The following E2F2 variants were observed in gnomAD, a reference collection of about 807,000 sequenced individuals.
E2F2 encodes transcription factor E2F2.
E2F2 carries 22 observed loss-of-function variants against 42.2 expected under a neutral mutation model. The observed-to-expected ratio is 0.52, with a 90% CI of 0.37 to 0.74. The LOEUF (loss-of-function observed/expected upper bound fraction) is 0.74. E2F2 is among the 30% of genes least tolerant of loss of function. The pLI is 0.00. For missense variants in E2F2, 481 were observed against 557.8 expected (o/e 0.86, Z 1.39); for synonymous variants, 248 against 251.6 (o/e 0.99, Z 0.13).
At chr1:23,510,373 TAGAGTGCAG>T (rs1257787777) in intron 6 of E2F2, among the ~76,000 whole-genome samples, 1 of 152,184 alleles carries the variant, frequency 6.6e-6, no homozygotes, top group Non-Finnish European at 1.5e-5. Flanking sequence ...TCACCCAGGC[TAGAGTGCAG>T]TGTTGTGATC....
intron 6 of E2F2, among the ~76,000 whole-genome samples, chr1:23,510,485 C>T (rs1205587452): frequency 6.6e-6 from 1 of 152,086 alleles, no homozygotes; most frequent in Non-Finnish European, 1.5e-5. Flanking sequence ...CCACCACACC[C>T]AGCTAATTTG....
Position 23,530,886 on chromosome 1 carries a change from T to G in E2F2, c.-93A>C. On this transcript the variant is annotated 5_prime_UTR_variant, in exon 1 of 7. The change abolishes an upstream ATG in the 5' untranslated region. Coordinates refer to ENST00000361729, the MANE Select transcript of E2F2 (RefSeq NM_004091.4). The surrounding 1 kb of genome is among the most constrained non-coding windows in gnomAD (Gnocchi z 4.4). Reference sequence around the variant, plus strand: ...GCCGCCTTTCACACGGCCCGCGGCATGGCGCGGAGGCCGGGGGAAGCCGCC... The same window carrying G: ...GCCGCCTTTCACACGGCCCGCGGCAGGGCGCGGAGGCCGGGGGAAGCCGCC... 1.4e-6 allele frequency: 2 copies of G among 1,390,616 alleles called. No individual in the cohort carries two copies. The highest frequency in any genetic ancestry group is 1.9e-6 in the Non-Finnish European group (2 of 1,073,108). The allele number at this position is 1,390,616 out of a possible 1,614,324, so 86.1% of individuals were successfully genotyped here. A position where few individuals can be genotyped will look rare whatever the true frequency, so the allele number is the denominator to read the frequency against.
intron 6 of E2F2, among the ~76,000 whole-genome samples, chr1:23,511,885 C>T (rs916498460): frequency 6.6e-6 from 1 of 152,146 alleles, no homozygotes; most frequent in African/African-American, 2.4e-5. Context: ...CTCAGAGGAC[C>T]GCATGGTAAG....
At chr1:23,513,001 C>T (rs183247260) in intron 6 of E2F2, among the ~76,000 whole-genome samples, 110 of 151,976 alleles carry the variant, frequency 7.2e-4, no homozygotes, top group African/African-American at 2.1e-3. Context: ...GTAGTAGAGA[C>T]GGGGTTTCAT....
At chr1:23,515,324 C>T (rs1185555512) in intron 6 of E2F2, among the ~76,000 whole-genome samples, 1 of 152,196 alleles carries the variant, frequency 6.6e-6, no homozygotes, top group Non-Finnish European at 1.5e-5. Context: ...TGCTCCCTGG[C>T]AACTTACCTG....
At chr1:23,512,719 T>C (rs1306976144) in intron 6 of E2F2, among the ~76,000 whole-genome samples, 1 of 152,168 alleles carries the variant, frequency 6.6e-6, no homozygotes, top group Non-Finnish European at 1.5e-5. Flanking sequence ...TCGCCTTTTG[T>C]AATATGTGTC....
intron 5 of E2F2, among the ~76,000 whole-genome samples, chr1:23,517,326 C>A (rs904003400): frequency 1.3e-5 from 2 of 152,186 alleles, no homozygotes; most frequent in African/African-American, 4.8e-5. Context: ...AGGCACATGT[C>A]CAGGTCTCCA....
At chr1:23,518,948 C>T in intron 5 of E2F2, 68 bp downstream of exon 5, 3 of 1,307,798 alleles carry the variant, frequency 2.3e-6, no homozygotes, top group Admixed American at 1.8e-5. Context: ...ACAGAGTCTG[C>T]AGAGCCGCCT....
chr1:23,512,389 A>T (rs1401928632), intron 6 of E2F2, among the ~76,000 whole-genome samples: 3 of 152,026 alleles, frequency 2.0e-5, no homozygotes, highest in African/African-American at 7.2e-5. Context: ...GAGGGAGTCC[A>T]TGCTGTTACC....
At chr1:23,517,043 C>T (rs1475503542) in intron 5 of E2F2, among the ~76,000 whole-genome samples, 3 of 152,066 alleles carry the variant, frequency 2.0e-5, no homozygotes, top group Non-Finnish European at 4.4e-5. Flanking sequence ...GGAATGGAGT[C>T]AGCACAGAGA....
At chr1:23,506,043 C>T (rs1475807937), downstream of E2F2, among the ~76,000 whole-genome samples, 2 of 152,140 alleles carry the variant, frequency 1.3e-5, no homozygotes, top group East Asian at 3.9e-4. Flanking sequence ...AGTGATCCAC[C>T]GCACCCAGCG....
intron 6 of E2F2, among the ~76,000 whole-genome samples, chr1:23,515,476 G>A (rs2148694027): frequency 6.6e-6 from 1 of 152,198 alleles, no homozygotes; most frequent in Middle Eastern, 3.4e-3. Context: ...ACACAGCTCT[G>A]TTGCCTCCCA....
chr1:23,526,966 C>T lies in E2F2; in HGVS notation c.253-2478G>A, dbSNP rs115368654. Among the ~76,000 whole-genome samples the T allele has an allele frequency of 6.4e-3, 980 of 152,334 alleles. 9 individuals are homozygous for T. Among genetic ancestry groups the T allele is most frequent in the African/African-American group, 0.022 (895 of 41,574 alleles). ...GGCAAGTGTCCCCCTAAGGATACCT[C>T]CCTGACACCTTTGGACAGTGCCCAG... On this transcript the variant is annotated intron_variant, in intron 1 of 6. Coordinates refer to ENST00000361729, the MANE Select transcript of E2F2 (RefSeq NM_004091.4).
intron 1 of E2F2, among the ~76,000 whole-genome samples, chr1:23,528,336 A>G (rs1643282475): frequency 6.6e-6 from 1 of 152,224 alleles, no homozygotes; most frequent in African/African-American, 2.4e-5. Flanking sequence ...TGCACTTTGC[A>G]GCCCGGCCAC....
chr1:23,519,658 G>A (rs151026334), intron 4 of E2F2, among the ~76,000 whole-genome samples: 150 of 152,294 alleles, frequency 9.8e-4, no homozygotes, highest in Middle Eastern at 3.4e-3. Context: ...GGCCGAACGC[G>A]GCGGCTCATG....
chr1:23,516,078 G>A (rs1404149803), intron 6 of E2F2, among the ~76,000 whole-genome samples: 1 of 152,190 alleles, frequency 6.6e-6, no homozygotes, highest in Non-Finnish European at 1.5e-5. Flanking sequence ...GAGAGGTTAA[G>A]TAACTTGTCT....
At chr1:23,517,384 T>G (rs1643044768) in intron 5 of E2F2, among the ~76,000 whole-genome samples, 2 of 152,218 alleles carry the variant, frequency 1.3e-5, no homozygotes, top group African/African-American at 4.8e-5. Context: ...CTATTCATTC[T>G]TTAAGACCTA....
chr1:23,514,055 C>T (rs189456864), intron 6 of E2F2, among the ~76,000 whole-genome samples: 3 of 151,108 alleles, frequency 2.0e-5, no homozygotes, highest in Admixed American at 1.3e-4. Context: ...ACTTGGGAGG[C>T]GGAGGTTGCA....
intron 4 of E2F2, 147 bp from the exon 5 acceptor site, chr1:23,519,277 C>G (rs1643090556): frequency 2.0e-6 from 1 of 511,256 alleles, no homozygotes; most frequent in African/African-American, 1.9e-5. Flanking sequence ...AATCTGTAAC[C>G]TGTTAATCTC....
Sources: allele counts gnomAD v4.1 joint callset (sites outside exome capture counted in the v4.1 genomes callset), GRCh38; gene constraint gnomAD v4.1.1; non-coding constraint Gnocchi (gnomAD v3.1); transcripts MANE v1.5; gene names NCBI Gene and HGNC (gene_info 2026-07-23, HGNC 2026-07-21).